CTNND2: variants seen among roughly 807,000 people sequenced by gnomAD.
The protein encoded by CTNND2 is catenin delta-2.
A neutral mutation model predicts 144.4 loss-of-function variants in CTNND2; 22 were observed. The observed-to-expected ratio is 0.15, with a 90% CI of 0.11 to 0.22. The LOEUF (loss-of-function observed/expected upper bound fraction) is 0.22, where lower values mean the gene tolerates loss of function less well. CTNND2 is among the 10% of genes least tolerant of loss of function. The probability of loss-of-function intolerance (pLI) is 1.00; values close to 1 mark genes in which losing one functional copy is unlikely to be tolerated. For missense variants in CTNND2, 1,353 were observed against 1,618.8 expected, an observed-to-expected ratio of 0.84 and a Z score of 2.82; for synonymous variants, 751 against 695.6, an observed-to-expected ratio of 1.08 and a Z score of -1.25.
chr5:11,808,790 T>C (rs1792150188), intron 1 of CTNND2, among the ~76,000 whole-genome samples: 1 of 152,246 alleles, frequency 6.6e-6, no homozygotes, highest in Admixed American at 6.5e-5. Context: ...AGGACCCTAC[T>C]ATTTTCTTAG....
intron 9 of CTNND2, among the ~76,000 whole-genome samples, chr5:11,253,945 T>C (rs1315761739): frequency 1.3e-5 from 2 of 152,236 alleles, no homozygotes; most frequent in Non-Finnish European, 2.9e-5. Flanking sequence ...TTTAATTTTT[T>C]ATGTTTACTT....
In CTNND2 at chr5:10,988,103, G is replaced by T. The variant is rs751623383; in HGVS notation, c.3343+8C>A. On this transcript the variant is annotated splice_region_variant and intron_variant, in intron 20 of 21. Coordinates refer to ENST00000304623, the MANE Select transcript of CTNND2 (RefSeq NM_001332.4). The surrounding 1 kb of genome is among the most constrained non-coding windows in gnomAD (Gnocchi z 5.9). Reference sequence around the variant, plus strand: ...AGTTCCAGGAGGGGGCGCGCGAGGGGCGCTCACCTGTCATGGCATCTTTCC... The same window carrying T: ...AGTTCCAGGAGGGGGCGCGCGAGGGTCGCTCACCTGTCATGGCATCTTTCC... 1 of 1,614,054 alleles carries T rather than the reference G, an allele frequency of 6.2e-7. No homozygotes were observed. The highest frequency in any genetic ancestry group is 1.7e-5 in the Admixed American group (1 of 60,026).
intron 16 of CTNND2, among the ~76,000 whole-genome samples, chr5:11,040,072 A>G (rs1203105412): frequency 6.6e-6 from 1 of 151,686 alleles, no homozygotes; most frequent in Non-Finnish European, 1.5e-5. Context: ...AAAAAAGCAA[A>G]CAAACAAAAA....
At chr5:11,357,360 T>C (rs1031908442) in intron 8 of CTNND2, among the ~76,000 whole-genome samples, 6 of 152,006 alleles carry the variant, frequency 3.9e-5, no homozygotes, top group South Asian at 2.1e-4. Flanking sequence ...TTAAGAAAAA[T>C]GAAATCCTGC....
chr5:11,193,037 T>C (rs1357262772), intron 11 of CTNND2, among the ~76,000 whole-genome samples: 1 of 152,146 alleles, frequency 6.6e-6, no homozygotes, highest in African/African-American at 2.4e-5. Flanking sequence ...GAACTGACAA[T>C]GCAATCTTGC....
intron 12 of CTNND2, among the ~76,000 whole-genome samples, chr5:11,146,738 CT>C (rs1757281375): frequency 6.6e-6 from 1 of 152,134 alleles, no homozygotes; most frequent in South Asian, 2.1e-4. Flanking sequence ...ACAAAATGTA[CT>C]AAGCAAGTCA....
chr5:11,049,238 C>A (rs1455431796), intron 16 of CTNND2, among the ~76,000 whole-genome samples: 1 of 152,160 alleles, frequency 6.6e-6, no homozygotes, highest in Non-Finnish European at 1.5e-5. Context: ...GCCTCAATAA[C>A]CTCCTAAGCT....
At chr5:11,100,382 A>G (rs890814508) in intron 14 of CTNND2, among the ~76,000 whole-genome samples, 1 of 152,164 alleles carries the variant, frequency 6.6e-6, no homozygotes, top group Non-Finnish European at 1.5e-5. Context: ...TTCAAAGATG[A>G]CTTTGCACCT....
At chr5:11,004,927 G>C (rs1269176727) in intron 18 of CTNND2, among the ~76,000 whole-genome samples, 4 of 152,130 alleles carry the variant, frequency 2.6e-5, no homozygotes, top group African/African-American at 9.7e-5. Flanking sequence ...CTGAGCACAG[G>C]GCAAGAAAAG....
At chr5:11,184,194 G>A (rs1351758274) in intron 11 of CTNND2, among the ~76,000 whole-genome samples, 1 of 152,184 alleles carries the variant, frequency 6.6e-6, no homozygotes, top group Non-Finnish European at 1.5e-5. Context: ...AAGGATGGGG[G>A]ATGGTTCTTT....
At chr5:11,546,827 A>G (rs1224222679) in intron 3 of CTNND2, among the ~76,000 whole-genome samples, 1 of 152,188 alleles carries the variant, frequency 6.6e-6, no homozygotes, top group Non-Finnish European at 1.5e-5. Context: ...CACATATGTG[A>G]AAAATTGACA....
chr5:11,094,820 G>A (rs1455914416), intron 15 of CTNND2, among the ~76,000 whole-genome samples: 3 of 152,134 alleles, frequency 2.0e-5, no homozygotes, highest in South Asian at 2.1e-4. Context: ...ATCTATGGTC[G>A]TCATTGTTAA....
intron 2 of CTNND2, among the ~76,000 whole-genome samples, chr5:11,696,976 T>G (rs2126661656): frequency 6.6e-6 from 1 of 152,172 alleles, no homozygotes; most frequent in African/African-American, 2.4e-5. Context: ...CATGCTATTT[T>G]AAATGATAGA....
intron 1 of CTNND2, among the ~76,000 whole-genome samples, chr5:11,820,069 C>A (rs1176027732): frequency 6.6e-6 from 1 of 152,128 alleles, no homozygotes; most frequent in African/African-American, 2.4e-5. Context: ...GTGTTTGTCT[C>A]CCCTCTTTCC....
At chr5:11,515,352 G>A (rs908038797) in intron 3 of CTNND2, among the ~76,000 whole-genome samples, 10 of 152,288 alleles carry the variant, frequency 6.6e-5, no homozygotes, top group Admixed American at 2.0e-4. Flanking sequence ...CCACAGTAAC[G>A]CAATGTGACA....
chr5:11,356,175 T>C (rs1755854508), intron 8 of CTNND2, among the ~76,000 whole-genome samples: 3 of 151,724 alleles, frequency 2.0e-5, no homozygotes, highest in Admixed American at 2.0e-4. Context: ...ATGATATTCT[T>C]CACAGAAATA....
rs142452827 is a variant in CTNND2, at chr5:11,509,893, T to G, written c.287+55051A>C. Among the ~76,000 whole-genome samples the G allele has an allele frequency of 2.5e-3, 382 of 152,246 alleles. 1 individual carries two copies. The highest frequency in any genetic ancestry group is 4.3e-3 in the Non-Finnish European group (295 of 68,016). On this transcript the variant is annotated intron_variant, in intron 3 of 21. Coordinates refer to ENST00000304623, the MANE Select transcript of CTNND2 (RefSeq NM_001332.4). ...CTTACTGTAACTTTTAGGAACAGAA[T>G]CAAAGCTTCACAAGGTAGAAAAAAG... is the stretch of plus-strand genomic sequence containing the variant.
At chr5:11,022,422 C>T (rs1451058313) in intron 17 of CTNND2, among the ~76,000 whole-genome samples, 1 of 152,096 alleles carries the variant, frequency 6.6e-6, no homozygotes, top group Non-Finnish European at 1.5e-5. Flanking sequence ...TAAGGTGGAC[C>T]TGACTTGGTT....
chr5:11,839,127 T>G (rs1008625500), intron 1 of CTNND2, among the ~76,000 whole-genome samples: 8 of 152,092 alleles, frequency 5.3e-5, no homozygotes, highest in Non-Finnish European at 8.8e-5. Flanking sequence ...TCTCAGCCTT[T>G]TTATGATTTA....
Sources: allele counts gnomAD v4.1 joint callset (sites outside exome capture counted in the v4.1 genomes callset), GRCh38; gene constraint gnomAD v4.1.1; non-coding constraint Gnocchi (gnomAD v3.1); transcripts MANE v1.5; gene names NCBI Gene and HGNC (gene_info 2026-07-23, HGNC 2026-07-21).